ZNF883: variants seen among roughly 807,000 people sequenced by gnomAD.
ZNF883 encodes the protein zinc finger protein 883.
downstream of ZNF883, among the ~76,000 whole-genome samples, chr9:112,993,145 G>A (rs1013784397): frequency 2.0e-5 from 3 of 152,200 alleles, no homozygotes; most frequent in Non-Finnish European, 2.9e-5. Context: ...GAGGAGAAGA[G>A]GCACTCTGGC....
At chr9:113,006,826 TAAC>T (rs150158726) in intron 2 of ZNF883, among the ~76,000 whole-genome samples, 85 of 152,258 alleles carry the variant, frequency 5.6e-4, no homozygotes, top group African/African-American at 2.0e-3. Flanking sequence ...GAATACCTTC[TAAC>T]TGCAAAGTAA....
chr9:113,007,476 T>C (rs1416655772), intron 2 of ZNF883, among the ~76,000 whole-genome samples: 1 of 152,182 alleles, frequency 6.6e-6, no homozygotes, highest in African/African-American at 2.4e-5. Context: ...ACAGTTGTTA[T>C]TTAAAAACCC....
At chr9:113,002,238 G>T (rs144152484), upstream of ZNF883, among the ~76,000 whole-genome samples, 7 of 152,280 alleles carry the variant, frequency 4.6e-5, no homozygotes, top group East Asian at 1.3e-3. Context: ...TTTATTATTT[G>T]ATGTCTACTA....
At chr9:112,995,610 CTCA>C (rs1828345214), downstream of ZNF883, among the ~76,000 whole-genome samples, 1 of 151,756 alleles carries the variant, frequency 6.6e-6, no homozygotes, top group African/African-American at 2.4e-5. Flanking sequence ...CTAATACATG[CTCA>C]TCATCAATAT....
chr9:113,009,193 T>C (rs1587898441), intron 2 of ZNF883, among the ~76,000 whole-genome samples: 1 of 152,200 alleles, frequency 6.6e-6, no homozygotes, highest in East Asian at 1.9e-4. Context: ...AAATTATATG[T>C]AAATCTTAAT....
chr9:112,998,072 T>G, exon 1 of ZNF883: 1 of 1,614,066 alleles, frequency 6.2e-7, no homozygotes, highest in East Asian at 2.2e-5. Context: ...CTCTCCAGTA[T>G]GTATTCTTTG....
chr9:113,003,052 A>G (rs370906049), upstream of ZNF883, among the ~76,000 whole-genome samples: 16 of 152,292 alleles, frequency 1.1e-4, no homozygotes, highest in East Asian at 1.9e-3. Flanking sequence ...TGTCTCAGGT[A>G]TTTTGCTATA....
chr9:112,997,238 C>T (rs376231861), exon 1 of ZNF883: 121 of 1,613,916 alleles, frequency 7.5e-5, no homozygotes, highest in South Asian at 3.6e-4. Flanking sequence ...TGTATGTATT[C>T]GCTTATGTTT....
chr9:112,995,786 T>C (rs1828348076), downstream of ZNF883, among the ~76,000 whole-genome samples: 1 of 152,152 alleles, frequency 6.6e-6, no homozygotes, highest in African/African-American at 2.4e-5. Flanking sequence ...GTACTGACTT[T>C]ACTAAACTGC....
downstream of ZNF883, among the ~76,000 whole-genome samples, chr9:112,994,699 A>G (rs1402403206): frequency 6.6e-6 from 1 of 151,948 alleles, no homozygotes; most frequent in Non-Finnish European, 1.5e-5. Context: ...TAGATTGTCA[A>G]AATTGTAAAT....
chr9:113,001,531 C>T (rs915968233), upstream of ZNF883, among the ~76,000 whole-genome samples: 4 of 152,024 alleles, frequency 2.6e-5, no homozygotes, highest in Non-Finnish European at 5.9e-5. Flanking sequence ...AAAATACAGA[C>T]GAGGGGCTCT....
At chr9:112,988,995 TTTGTTTAGGTTCC>T (rs1159033470) in intron 1 of ZNF883, among the ~76,000 whole-genome samples, 2 of 152,186 alleles carry the variant, frequency 1.3e-5, no homozygotes, top group Non-Finnish European at 2.9e-5. Flanking sequence ...TTCTTGTAAA[TTTGTTTAGGTTCC>T]TTGTAGACTC....
intron 2 of ZNF883, among the ~76,000 whole-genome samples, chr9:113,006,097 T>TAAAA (rs33952027): frequency 0.53 from 76,152 of 143,912 alleles, 20,624 homozygotes; most frequent in East Asian, 0.74. Context: ...CATGAAAAAT[T>TAAAA]AAAAAAAAAA....
At chr9:113,002,448 A>T (rs1386219422), upstream of ZNF883, among the ~76,000 whole-genome samples, 1 of 152,160 alleles carries the variant, frequency 6.6e-6, no homozygotes, top group Non-Finnish European at 1.5e-5. Flanking sequence ...AATTTTAATG[A>T]AATACTACAG....
chr9:112,997,250 G>T (rs372517928), exon 1 of ZNF883: 5 of 1,613,972 alleles, frequency 3.1e-6, no homozygotes, highest in Non-Finnish European at 4.2e-6. Flanking sequence ...CTTATGTTTA[G>T]TTAGAGCTGA....
upstream of ZNF883, among the ~76,000 whole-genome samples, chr9:113,001,058 GT>G (rs2118614970): frequency 6.6e-6 from 1 of 152,192 alleles, no homozygotes; most frequent in African/African-American, 2.4e-5. Flanking sequence ...ACAGCAGAAA[GT>G]CTGAACAGAG....
chr9:113,007,197 A>G (rs1392353205), intron 2 of ZNF883, among the ~76,000 whole-genome samples: 1 of 152,244 alleles, frequency 6.6e-6, no homozygotes, highest in African/African-American at 2.4e-5. Context: ...CCGTCTCAAA[A>G]GAAAAAAATC....
chr9:112,997,483 A>T, exon 1 of ZNF883: 2 of 1,614,180 alleles, frequency 1.2e-6, no homozygotes, highest in Middle Eastern at 1.6e-4. Context: ...TCTCTCCAGT[A>T]TGAGTTCTCT....
At chr9:113,005,524 T>C (rs115170073) in intron 2 of ZNF883, among the ~76,000 whole-genome samples, 248 of 152,326 alleles carry the variant, frequency 1.6e-3, no homozygotes, top group African/African-American at 5.7e-3. Context: ...GTTTTAAGTA[T>C]TGGGAAAATG....
Sources: allele counts gnomAD v4.1 joint callset (sites outside exome capture counted in the v4.1 genomes callset), GRCh38; gene constraint gnomAD v4.1.1; transcripts MANE v1.5; gene names NCBI Gene and HGNC (gene_info 2026-07-23, HGNC 2026-07-21).